The following PTPRD variants were observed in gnomAD, a reference collection of about 807,000 sequenced individuals.
PTPRD encodes the protein receptor-type tyrosine-protein phosphatase delta.
In PTPRD, 34 loss-of-function variants were observed where a neutral mutation model predicts 214.5. That is an observed-to-expected ratio of 0.16 (90% CI 0.12 to 0.21). The LOEUF is 0.21. Ranked by LOEUF, PTPRD falls within the 10% of genes least tolerant of loss-of-function variation. PTPRD has a pLI of 1.00. For synonymous variants in PTPRD, 1,128 were observed against 845.7 expected (o/e 1.33, Z -5.79); for missense variants, 2,545 against 2,398.7 (o/e 1.06, Z -1.27).
intron 5 of PTPRD, among the ~76,000 whole-genome samples, chr9:9,781,383 G>T (rs760226099): frequency 6.6e-6 from 1 of 151,954 alleles, no homozygotes; most frequent in Admixed American, 6.6e-5. Flanking sequence ...ATAAACATTC[G>T]ATAAAAATAC....
intron 11 of PTPRD, among the ~76,000 whole-genome samples, chr9:8,995,603 T>G (rs1247694606): frequency 2.0e-5 from 3 of 151,926 alleles, no homozygotes; most frequent in Non-Finnish European, 4.4e-5. Context: ...AAGAGACCAT[T>G]TCCATATCAA....
intron 33 of PTPRD, among the ~76,000 whole-genome samples, chr9:8,455,791 A>T (rs538373207): frequency 6.6e-6 from 1 of 152,302 alleles, no homozygotes; most frequent in South Asian, 2.1e-4. Context: ...AAAATCAGTG[A>T]CTTTATCAGG....
intron 14 of PTPRD, among the ~76,000 whole-genome samples, chr9:8,583,982 T>G (rs994074056): frequency 2.0e-5 from 3 of 152,030 alleles, no homozygotes; most frequent in African/African-American, 7.2e-5. Context: ...CAAAACCCCA[T>G]CTCTACAAAA....
chr9:9,385,772 A>G (rs1021642015), intron 9 of PTPRD, among the ~76,000 whole-genome samples: 8 of 152,182 alleles, frequency 5.3e-5, no homozygotes, highest in African/African-American at 1.9e-4. Flanking sequence ...CTTTGGGGTG[A>G]ATGTCACTTT....
intron 3 of PTPRD, among the ~76,000 whole-genome samples, chr9:10,078,514 TAAAAAAAAAAAA>T (rs71485315): frequency 1.3e-5 from 1 of 78,762 alleles, no homozygotes; most frequent in South Asian, 4.5e-4. Context: ...AGACTCCATC[TAAAAAAAAAAAA>T]AAAAAAAAAA....
intron 39 of PTPRD, among the ~76,000 whole-genome samples, chr9:8,347,942 G>C (rs1480655331): frequency 6.6e-6 from 1 of 152,108 alleles, no homozygotes; most frequent in Non-Finnish European, 1.5e-5. Flanking sequence ...CACTCAGTTC[G>C]GAGTATTTTG....
intron 11 of PTPRD, among the ~76,000 whole-genome samples, chr9:9,008,220 T>TATTTATTGATTG (rs1783375041): frequency 6.9e-6 from 1 of 143,952 alleles, no homozygotes. Context: ...TTTATTTATT[T>TATTTATTGATTG]ATTTATTTAT....
At chr9:8,743,116 G>GA (rs527448093) in intron 11 of PTPRD, among the ~76,000 whole-genome samples, 14 of 145,192 alleles carry the variant, frequency 9.6e-5, no homozygotes, top group Admixed American at 2.9e-4. Flanking sequence ...AAAAAAAAAG[G>GA]GGGGGGGGAC....
chr9:8,439,935 A>AT (rs1166530719), intron 34 of PTPRD, among the ~76,000 whole-genome samples: 2,172 of 73,222 alleles, frequency 0.03, 227 homozygotes, highest in Non-Finnish European at 0.032. Flanking sequence ...ATGTGCTTTA[A>AT]TTTTTTTTTT....
chr9:8,461,743 A>T (rs2096411069), intron 32 of PTPRD, among the ~76,000 whole-genome samples: 1 of 151,676 alleles, frequency 6.6e-6, no homozygotes, highest in Non-Finnish European at 1.5e-5. Flanking sequence ...TCCCATCCTC[A>T]TCTTTCCAAC....
intron 10 of PTPRD, among the ~76,000 whole-genome samples, chr9:9,178,741 T>C (rs1211179985): frequency 1.3e-5 from 2 of 152,106 alleles, no homozygotes; most frequent in African/African-American, 4.8e-5. Context: ...AATAAGTCCT[T>C]CTTTAAATGC....
In PTPRD at chr9:9,186,665, TCA is replaced by T. The variant is rs71500976; in HGVS notation, c.-202-3304_-202-3303del. The stretch of plus-strand genomic sequence containing the variant: ...CTCTCTCTCTCTCTCTCTCTCTCTC[TCA>T]CACACACACACACAAACACACGTAT... On this transcript the variant is annotated intron_variant, in intron 9 of 45. Coordinates refer to ENST00000381196, the MANE Select transcript of PTPRD (RefSeq NM_002839.4). 6.2e-3 allele frequency among the ~76,000 whole-genome samples: 859 copies of T among 138,670 alleles called. 3 individuals are homozygous for T. The highest frequency in any genetic ancestry group is 0.01 in the Non-Finnish European group (674 of 65,200). 91.0% of individuals were successfully genotyped at this position (138,670 alleles called of 152,430 possible). A position where few individuals can be genotyped will look rare whatever the true frequency, so the allele number is the denominator to read the frequency against.
At chr9:8,826,987 G>C (rs982659423) in intron 11 of PTPRD, among the ~76,000 whole-genome samples, 1 of 151,794 alleles carries the variant, frequency 6.6e-6, no homozygotes, top group Non-Finnish European at 1.5e-5. Context: ...TAAACTGGCA[G>C]ATTTCTTCTC....
chr9:9,642,193 C>T (rs1215204706), intron 7 of PTPRD, among the ~76,000 whole-genome samples: 2 of 141,272 alleles, frequency 1.4e-5, no homozygotes, highest in African/African-American at 5.3e-5. Flanking sequence ...TATATTCTCA[C>T]TCATAGGTGG....
intron 30 of PTPRD, among the ~76,000 whole-genome samples, chr9:8,479,523 T>A (rs1476319657): frequency 6.6e-6 from 1 of 152,014 alleles, no homozygotes; most frequent in Non-Finnish European, 1.5e-5. Context: ...GGAAAGTGCA[T>A]AAATAAAACA....
chr9:9,082,940 T>G (rs553764669), intron 10 of PTPRD, among the ~76,000 whole-genome samples: 18 of 152,244 alleles, frequency 1.2e-4, no homozygotes, highest in African/African-American at 4.3e-4. Context: ...TGCTCATGGA[T>G]AGGAAGAATC....
At chr9:10,038,762 A>G (rs1206781499) in intron 3 of PTPRD, among the ~76,000 whole-genome samples, 1 of 152,076 alleles carries the variant, frequency 6.6e-6, no homozygotes, top group East Asian at 1.9e-4. Flanking sequence ...ATCTATTCTC[A>G]GAGAACTGTA....
chr9:10,365,117 A>G (rs1168166529), intron 2 of PTPRD, among the ~76,000 whole-genome samples: 1 of 152,114 alleles, frequency 6.6e-6, no homozygotes, highest in East Asian at 1.9e-4. Flanking sequence ...AGGACTCATC[A>G]TCTCTTCTTT....
intron 10 of PTPRD, among the ~76,000 whole-genome samples, chr9:9,098,316 G>A (rs553575257): frequency 3.3e-5 from 5 of 152,136 alleles, no homozygotes; most frequent in South Asian, 2.1e-4. Context: ...AAGTGCAGTG[G>A]TGTGCTGTTG....
Sources: gnomAD v4.1 joint callset for allele counts (sites outside exome capture counted in the v4.1 genomes callset) on GRCh38, gnomAD v4.1.1 for gene constraint, MANE v1.5 for transcripts, NCBI Gene and HGNC (gene_info 2026-07-23, HGNC 2026-07-21) for gene names.